Variants in PHF14 observed in about 807,000 individuals in gnomAD.
The protein encoded by PHF14 is PHD finger protein 14.
A neutral mutation model predicts 117.9 loss-of-function variants in PHF14; 55 were observed. The observed-to-expected ratio is 0.47, with a 90% confidence interval of 0.38 to 0.58. The LOEUF is 0.58. Ranked by LOEUF, PHF14 falls within the 20% of genes least tolerant of loss-of-function variation. PHF14 has a pLI of 0.00. For synonymous variants in PHF14, 409 were observed against 368.6 expected, an observed-to-expected ratio of 1.11 and a Z score of -1.26; for missense variants, 978 against 1,122.2, an observed-to-expected ratio of 0.87 and a Z score of 1.84.
intron 3 of PHF14, among the ~76,000 whole-genome samples, chr7:10,990,252 G>T (rs1037231309): frequency 3.9e-5 from 6 of 152,070 alleles, no homozygotes; most frequent in Admixed American, 3.3e-4. Context: ...GTATATGTGC[G>T]TCTTGTCTTC....
chr7:11,093,083 C>G (rs778369035), intron 16 of PHF14, among the ~76,000 whole-genome samples: 6 of 152,214 alleles, frequency 3.9e-5, no homozygotes, highest in Non-Finnish European at 5.9e-5. Flanking sequence ...TTCTAAACTT[C>G]TAATTTCCCT....
chr7:10,982,999 A>G lies in PHF14; in HGVS notation c.740A>G (p.Asp247Gly). 3 of 1,582,882 alleles carry G rather than the reference A, an allele frequency of 1.9e-6. No individual in the cohort carries two copies. The highest frequency in any genetic ancestry group is 2.6e-6 in the Non-Finnish European group (3 of 1,165,752). Residue 247 changes from aspartate to glycine, a missense_variant, in exon 3 of 18, where the codon GAT (aspartate) becomes GGT (glycine). Physicochemically the swap from Asp to Gly is moderately conservative, Grantham distance 94 (BLOSUM62 -1). This residue lies in a region of PHF14 where 414 missense variants were observed against 376.4 expected (regional missense o/e 1.10). Coordinates refer to ENST00000634607, the MANE Select transcript of PHF14 (RefSeq NM_001007157.2). ...GATGAAGATGAGGGAAGCGGGAGTG[A>G]TGAAGACGAGAATGATGAAGGCAAT... is the stretch of plus-strand genomic sequence containing the variant. ...EDDEDEGSGS[D>G]EDENDEGNDE...
At chr7:11,006,372 A>G (rs1232967553) in intron 4 of PHF14, 1 of 495,064 alleles carries the variant, frequency 2.0e-6, no homozygotes, top group African/African-American at 2.0e-5. Flanking sequence ...ATACACATAT[A>G]TTTAGAATTA....
intron 4 of PHF14, among the ~76,000 whole-genome samples, chr7:10,991,759 A>ATTTTTTTTTTTTTTTTTTTTTTTTAT (rs71023881): frequency 9.0e-6 from 1 of 111,044 alleles, no homozygotes; most frequent in Non-Finnish European, 1.7e-5. Context: ...TAATTTTTTA[A>ATTTTTTTTTTTTTTTTTTTTTTTTAT]TTTTTTTTTT....
chr7:11,058,683 A>G (rs781340826), intron 14 of PHF14, among the ~76,000 whole-genome samples: 3 of 152,204 alleles, frequency 2.0e-5, no homozygotes, highest in Non-Finnish European at 4.4e-5. Flanking sequence ...ATTGGGCATC[A>G]CAATGTTACA....
At chr7:11,167,810 A>G (rs1258547024) in intron 17 of PHF14, among the ~76,000 whole-genome samples, 1 of 152,126 alleles carries the variant, frequency 6.6e-6, no homozygotes, top group Non-Finnish European at 1.5e-5. Context: ...GGGGCAGATC[A>G]CGAGGTCAGG....
chr7:11,145,848 C>T (rs370696246), intron 17 of PHF14, among the ~76,000 whole-genome samples: 6 of 151,946 alleles, frequency 3.9e-5, no homozygotes, highest in South Asian at 2.1e-4. Context: ...CTATCGTATA[C>T]GTTATACATT....
intron 13 of PHF14, among the ~76,000 whole-genome samples, chr7:11,048,212 G>A (rs1239838911): frequency 6.6e-6 from 1 of 152,066 alleles, no homozygotes; most frequent in African/African-American, 2.4e-5. Context: ...GCAGTTTAGT[G>A]GATTATTGAA....
At chr7:11,145,460 C>T (rs1201675398) in intron 17 of PHF14, among the ~76,000 whole-genome samples, 1 of 151,988 alleles carries the variant, frequency 6.6e-6, no homozygotes, top group Non-Finnish European at 1.5e-5. Context: ...ATGAGCAAAT[C>T]TCCAAATTCA....
intron 17 of PHF14, among the ~76,000 whole-genome samples, chr7:11,138,497 C>T (rs543332746): frequency 2.6e-5 from 4 of 152,218 alleles, no homozygotes; most frequent in East Asian, 1.9e-4. Context: ...TTGTGCCCTG[C>T]GCACAATTAC....
At chr7:11,014,650 C>G (rs1783464110) in intron 5 of PHF14, among the ~76,000 whole-genome samples, 1 of 152,148 alleles carries the variant, frequency 6.6e-6, no homozygotes. Context: ...CCCCTCCGTT[C>G]TACGAGACCT....
intron 17 of PHF14, among the ~76,000 whole-genome samples, chr7:11,162,528 C>T (rs1789076924): frequency 6.6e-6 from 1 of 152,004 alleles, no homozygotes; most frequent in African/African-American, 2.4e-5. Flanking sequence ...TCATTCATTT[C>T]CTTTCCTTTC....
chr7:11,143,089 G>C (rs1257765379), intron 17 of PHF14, among the ~76,000 whole-genome samples: 1 of 151,960 alleles, frequency 6.6e-6, no homozygotes, highest in Non-Finnish European at 1.5e-5. Flanking sequence ...GCCTTACTTT[G>C]GGTATCTATA....
intron 16 of PHF14, among the ~76,000 whole-genome samples, chr7:11,080,588 C>A (rs924528847): frequency 2.6e-5 from 4 of 152,088 alleles, no homozygotes; most frequent in African/African-American, 9.7e-5. Flanking sequence ...TGGTTTTTCT[C>A]CCTGATGTCT....
intron 16 of PHF14, among the ~76,000 whole-genome samples, chr7:11,074,117 G>T (rs572099652): frequency 6.6e-6 from 1 of 152,224 alleles, no homozygotes; most frequent in East Asian, 1.9e-4. Flanking sequence ...ATTATCATTT[G>T]TCTCTTTTTT....
chr7:11,080,964 A>G (rs1786076915), intron 16 of PHF14, among the ~76,000 whole-genome samples: 1 of 152,152 alleles, frequency 6.6e-6, no homozygotes, highest in African/African-American at 2.4e-5. Flanking sequence ...GCCTAAGGTG[A>G]TAGACTAAAA....
intron 17 of PHF14, among the ~76,000 whole-genome samples, chr7:11,160,162 G>A (rs1788983038): frequency 6.6e-6 from 1 of 152,096 alleles, no homozygotes; most frequent in Admixed American, 6.6e-5. Context: ...AGAACATGTG[G>A]CATTTGATTT....
At chr7:11,024,769 G>A (rs930033255) in intron 6 of PHF14, among the ~76,000 whole-genome samples, 1 of 152,142 alleles carries the variant, frequency 6.6e-6, no homozygotes, top group Admixed American at 6.5e-5. Flanking sequence ...AGTGCACCTG[G>A]TGGTCACCCA....
chr7:11,133,823 A>C (rs1004462769), intron 17 of PHF14, among the ~76,000 whole-genome samples: 1 of 152,034 alleles, frequency 6.6e-6, no homozygotes, highest in Non-Finnish European at 1.5e-5. Context: ...TTATCTACTA[A>C]ACACAACAAT....
Sources: gnomAD v4.1 joint callset for allele counts (sites outside exome capture counted in the v4.1 genomes callset) on GRCh38, gnomAD v4.1.1 for gene constraint, gnomAD v4.1.1 regional missense constraint, MANE v1.5 for transcripts, NCBI Gene and HGNC (gene_info 2026-07-23, HGNC 2026-07-21) for gene names.